LRRC53: variants seen among roughly 807,000 people sequenced by gnomAD.
LRRC53 encodes leucine rich repeat containing 53.
In LRRC53, 25 loss-of-function variants were observed where a neutral mutation model predicts 13.6. The ratio of observed to expected loss-of-function variants is 1.83; its 90% CI spans 1.34 to 2.56. LRRC53 has a LOEUF of 2.56. Among genes scored for constraint, LRRC53 ranks in the 30% most tolerant of loss-of-function variants. LRRC53 has a pLI of 0.00. For missense variants in LRRC53, 527 were observed against 275.8 expected (o/e 1.91, Z -6.45); for synonymous variants, 204 against 109.8 (o/e 1.86, Z -5.37).
chr1:74,472,187 T>A lies in LRRC53; in HGVS notation c.1435A>T (p.Ile479Leu), dbSNP rs1348782432. ...IIRTEDISSD[I>L]FRRRYATPAS... ...GGTGTTGCATATCTTCTTCTAAATATGTCACTGCTGATATCTGTGGAACAA... is the reference window on the plus strand; with the variant it reads ...GGTGTTGCATATCTTCTTCTAAATAAGTCACTGCTGATATCTGTGGAACAA... Residue 479 changes from isoleucine to leucine, a missense_variant, in exon 5 of 5, where the codon ATA (isoleucine) becomes TTA (leucine). Coordinates refer to ENST00000294635, the MANE Select transcript of LRRC53 (RefSeq NM_001382280.1). 1 of 716,816 alleles carries A rather than the reference T, an allele frequency of 1.4e-6. No homozygotes were observed. Among genetic ancestry groups the A allele is most frequent in the African/African-American group, 1.7e-5 (1 of 57,228 alleles). 44.4% of individuals were successfully genotyped at this position (716,816 alleles called of 1,614,324 possible). A position where few individuals can be genotyped will look rare whatever the true frequency, so the allele number is the denominator to read the frequency against.
intron 1 of LRRC53, among the ~76,000 whole-genome samples, chr1:74,489,017 A>G (rs931040128): frequency 2.6e-5 from 4 of 152,246 alleles, no homozygotes; most frequent in African/African-American, 7.2e-5. Context: ...ACATCTCTCC[A>G]TGAACAGCAA....
chr1:74,489,060 T>C, intron 1 of LRRC53: 1 of 689,840 alleles, frequency 1.4e-6, no homozygotes, highest in Non-Finnish European at 2.3e-6. Flanking sequence ...AATAAAAGTG[T>C]ATTTTAAATA....
intron 1 of LRRC53, among the ~76,000 whole-genome samples, chr1:74,502,878 C>G (rs1669706347): frequency 6.6e-6 from 1 of 150,396 alleles, no homozygotes; most frequent in African/African-American, 2.5e-5. Context: ...ACAGCCTCTC[C>G]CAAACAGCCT....
upstream of LRRC53, among the ~76,000 whole-genome samples, chr1:74,513,403 C>A (rs768896948): frequency 2.6e-5 from 4 of 152,206 alleles, no homozygotes; most frequent in Non-Finnish European, 4.4e-5. Context: ...CTGATGATGA[C>A]TGTCTTTGCA....
At chr1:74,524,259 C>T in the LRRC53 span, among the ~76,000 whole-genome samples, 4 of 152,204 alleles carry the variant, frequency 2.6e-5, no homozygotes, top group African/African-American at 7.2e-5. Flanking sequence ...ATTTTAACAG[C>T]CTGATCTCTG....
chr1:74,480,602 C>G lies in LRRC53; in HGVS notation c.455G>C (p.Gly152Ala). Residue 152 changes from glycine (G) to alanine (A), a missense_variant, in exon 3 of 5, where the codon GGA becomes GCA. Transcript: ENST00000294635. ...CCTGAGACTGTGGAGATTCGTGCCT[C>G]CGAAAGAACTGTCTGTGAGATTAGT... Reference protein sequence around the residue: ...QITNLTDSSFGGTNLHSLRYL... With the variant: ...QITNLTDSSFAGTNLHSLRYL... 2 of 717,232 alleles carry G rather than the reference C, an allele frequency of 2.8e-6. No homozygotes were observed. The highest frequency in any genetic ancestry group is 3.0e-5 in the South Asian group (2 of 67,586). The allele number at this position is 717,232 out of a possible 1,614,324, so 44.4% of individuals were successfully genotyped here. A position where few individuals can be genotyped will look rare whatever the true frequency, so the allele number is the denominator to read the frequency against.
chr1:74,490,507 A>G (rs1669013802), intron 1 of LRRC53, among the ~76,000 whole-genome samples: 1 of 152,126 alleles, frequency 6.6e-6, no homozygotes, highest in South Asian at 2.1e-4. Context: ...GATCTACTAA[A>G]CTAGCTTGTC....
intron 1 of LRRC53, among the ~76,000 whole-genome samples, chr1:74,505,109 G>A (rs1669826587): frequency 6.6e-6 from 1 of 152,116 alleles, no homozygotes; most frequent in African/African-American, 2.4e-5. Flanking sequence ...ACAAAGGAGG[G>A]CCCGGGCCCA....
intron 3 of LRRC53, among the ~76,000 whole-genome samples, chr1:74,478,112 T>G (rs1490614020): frequency 6.6e-6 from 1 of 152,176 alleles, no homozygotes; most frequent in Non-Finnish European, 1.5e-5. Flanking sequence ...TAGTTCTAAG[T>G]GTTTTTCCCA....
chr1:74,472,938 G>A (rs1015158590), intron 4 of LRRC53, among the ~76,000 whole-genome samples: 49 of 152,024 alleles, frequency 3.2e-4, no homozygotes, highest in African/African-American at 8.2e-4. Context: ...ATTTACTAAA[G>A]GAAAATAGTA....
At chr1:74,509,006 G>A (rs918279287) in intron 1 of LRRC53, among the ~76,000 whole-genome samples, 9 of 152,132 alleles carry the variant, frequency 5.9e-5, no homozygotes, top group Admixed American at 4.6e-4. Flanking sequence ...TCTACCCACG[G>A]ATGGATAAAC....
At chr1:74,535,694 G>C in the LRRC53 span, among the ~76,000 whole-genome samples, 2 of 152,076 alleles carry the variant, frequency 1.3e-5, no homozygotes, top group Non-Finnish European at 2.9e-5. Context: ...AGGAAATGCA[G>C]CATTTTGTTT....
upstream of LRRC53, among the ~76,000 whole-genome samples, chr1:74,515,850 A>T (rs1646341090): frequency 6.6e-6 from 1 of 152,172 alleles, no homozygotes; most frequent in South Asian, 2.1e-4. Context: ...TAGACTGGAG[A>T]TCATTAGTTA....
chr1:74,529,059 T>A, the LRRC53 span, among the ~76,000 whole-genome samples: 140,225 of 152,256 alleles, frequency 0.92, 64,848 homozygotes, highest in Non-Finnish European at 0.96. Flanking sequence ...ACATCAATAA[T>A]ATTGTAACTA....
rs1667897272 is a variant in LRRC53, at chr1:74,470,952, G to A, written c.2670C>T (p.Phe890=). The A allele has an allele frequency of 5.0e-6, 2 of 400,572 alleles. No homozygotes were observed. Among genetic ancestry groups the A allele is most frequent in the South Asian group, 1.3e-4 (1 of 7,952 alleles). 24.8% of individuals were successfully genotyped at this position (400,572 alleles called of 1,614,324 possible). A position where few individuals can be genotyped will look rare whatever the true frequency, so the allele number is the denominator to read the frequency against. The change falls in exon 5 of 5, where the codon TTC becomes TTT. Residue 890 remains phenylalanine (F), a synonymous_variant. Coordinates refer to ENST00000294635, the MANE Select transcript of LRRC53 (RefSeq NM_001382280.1). ...GGTCAGTAGCCCTCCTGGAATGTTG[G>A]AATGGTAAAACATCACTTCCTGTAT... The part of the protein sequence containing the change: ...WENTGSDVLP[F]QHSRRATDQG...
At chr1:74,491,482 C>T (rs143888622) in intron 1 of LRRC53, among the ~76,000 whole-genome samples, 10 of 152,178 alleles carry the variant, frequency 6.6e-5, no homozygotes, top group East Asian at 3.9e-4. Context: ...CCTCATGATC[C>T]GCTCACCTCA....
chr1:74,500,773 C>T (rs1301887787), intron 1 of LRRC53, among the ~76,000 whole-genome samples: 1 of 151,512 alleles, frequency 6.6e-6, no homozygotes, highest in East Asian at 1.9e-4. Flanking sequence ...TTTTTCCCTG[C>T]ACCTTCAGGG....
the LRRC53 span, among the ~76,000 whole-genome samples, chr1:74,522,574 A>C: frequency 6.6e-6 from 1 of 151,750 alleles, no homozygotes; most frequent in Non-Finnish European, 1.5e-5. Flanking sequence ...AAAAGAGAGA[A>C]TCTGTCTTTT....
At chr1:74,522,018 T>G in the LRRC53 span, among the ~76,000 whole-genome samples, 1 of 152,164 alleles carries the variant, frequency 6.6e-6, no homozygotes, top group East Asian at 1.9e-4. Context: ...GGGAGATATA[T>G]CAACATCCCT....
Sources: gnomAD v4.1 joint callset for allele counts (sites outside exome capture counted in the v4.1 genomes callset) on GRCh38, gnomAD v4.1.1 for gene constraint, MANE v1.5 for transcripts, NCBI Gene and HGNC (gene_info 2026-07-23, HGNC 2026-07-21) for gene names.